The following NLGN1 variants were observed in gnomAD, a reference collection of about 807,000 sequenced individuals.
NLGN1 encodes neuroligin-1.
In NLGN1, 12 loss-of-function variants were observed where a neutral mutation model predicts 65.5. The ratio of observed to expected loss-of-function variants is 0.18; its 90% CI spans 0.12 to 0.30. The LOEUF is 0.30. Among genes scored for constraint, NLGN1 ranks in the 10% least tolerant of loss-of-function variants. The probability of loss-of-function intolerance (pLI) is 1.00; values close to 1 mark genes in which losing one functional copy is unlikely to be tolerated. For missense variants in NLGN1, 750 were observed against 1,007.1 expected, an observed-to-expected ratio of 0.74 and a Z score of 3.46; for synonymous variants, 350 against 359.5, an observed-to-expected ratio of 0.97 and a Z score of 0.30.
intron 2 of NLGN1, among the ~76,000 whole-genome samples, chr3:173,444,736 A>C (rs553910707): frequency 1.4e-4 from 21 of 152,118 alleles, no homozygotes; most frequent in African/African-American, 3.1e-4. Flanking sequence ...ATCTATCTAT[A>C]TATACACATA....
intron 2 of NLGN1, among the ~76,000 whole-genome samples, chr3:173,574,010 C>G (rs1267205437): frequency 6.9e-6 from 1 of 145,930 alleles, no homozygotes; most frequent in Admixed American, 7.0e-5. Flanking sequence ...TTGCAGTGAG[C>G]CGAGATGGCA....
At chr3:173,636,038 C>T (rs1756530769) in intron 3 of NLGN1, among the ~76,000 whole-genome samples, 1 of 152,064 alleles carries the variant, frequency 6.6e-6, no homozygotes, top group Admixed American at 6.6e-5. Context: ...TTATTTCCTG[C>T]TTTGAAATTA....
At chr3:173,508,570 G>A (rs1019099116) in intron 2 of NLGN1, among the ~76,000 whole-genome samples, 1 of 152,124 alleles carries the variant, frequency 6.6e-6, no homozygotes, top group Non-Finnish European at 1.5e-5. Flanking sequence ...AGAGGTACGT[G>A]ACTCTTCCCG....
chr3:173,929,814 T>C (rs35108067), intron 4 of NLGN1, among the ~76,000 whole-genome samples: 53,581 of 151,768 alleles, frequency 0.35, 10,390 homozygotes, highest in African/African-American at 0.51. Flanking sequence ...AAATGATTCT[T>C]CTGCCTCAGC....
At chr3:173,448,234 C>T (rs549363627) in intron 2 of NLGN1, among the ~76,000 whole-genome samples, 50 of 152,164 alleles carry the variant, frequency 3.3e-4, no homozygotes, top group African/African-American at 1.1e-3. Context: ...GAGATACCTC[C>T]CATCAATACC....
At chr3:173,502,820 T>A (rs1478399944) in intron 2 of NLGN1, among the ~76,000 whole-genome samples, 2 of 152,044 alleles carry the variant, frequency 1.3e-5, no homozygotes, top group Non-Finnish European at 2.9e-5. Context: ...ACAAAGGGAT[T>A]TGATGTTAAA....
chr3:174,259,506 AT>A (rs1232951859), intron 4 of NLGN1, among the ~76,000 whole-genome samples: 1 of 152,102 alleles, frequency 6.6e-6, no homozygotes, highest in East Asian at 1.9e-4. Context: ...ATTAAAAAAA[AT>A]CTATTCTAAA....
chr3:173,619,465 C>T (rs1753649820), intron 3 of NLGN1, among the ~76,000 whole-genome samples: 1 of 152,084 alleles, frequency 6.6e-6, no homozygotes, highest in South Asian at 2.1e-4. Context: ...TGGTACTTGT[C>T]ATAGGGGACA....
At chr3:173,574,606 A>G (rs888708857) in intron 2 of NLGN1, among the ~76,000 whole-genome samples, 3 of 152,162 alleles carry the variant, frequency 2.0e-5, no homozygotes, top group African/African-American at 4.8e-5. Context: ...CCTATTTCCC[A>G]TGAAACTAAC....
chr3:174,011,716 C>A (rs1393677687), intron 4 of NLGN1, among the ~76,000 whole-genome samples: 1 of 152,038 alleles, frequency 6.6e-6, no homozygotes, highest in Admixed American at 6.6e-5. Context: ...GAGATACTAC[C>A]ACCTACCTTC....
intron 2 of NLGN1, among the ~76,000 whole-genome samples, chr3:173,553,149 G>C (rs1044958308): frequency 6.6e-6 from 1 of 152,080 alleles, no homozygotes; most frequent in Admixed American, 6.6e-5. Context: ...TGGAGGATTC[G>C]CCTTGAAAAT....
intron 3 of NLGN1, among the ~76,000 whole-genome samples, chr3:173,759,875 TC>T (rs1269426950): frequency 1.3e-5 from 2 of 151,988 alleles, no homozygotes; most frequent in Non-Finnish European, 2.9e-5. Context: ...TCCCAAATTG[TC>T]CTCTAAGGGC....
chr3:174,241,620 T>C (rs1256643672), intron 4 of NLGN1, among the ~76,000 whole-genome samples: 2 of 151,682 alleles, frequency 1.3e-5, no homozygotes, highest in Non-Finnish European at 2.9e-5. Context: ...AGTAAATTGA[T>C]AAATCCCTAC....
At chr3:173,865,284 A>G (rs909044351) in intron 4 of NLGN1, among the ~76,000 whole-genome samples, 6 of 152,008 alleles carry the variant, frequency 3.9e-5, no homozygotes, top group Non-Finnish European at 8.8e-5. Context: ...TCAACCCTTT[A>G]ATCTCCTAAG....
chr3:173,397,828 G>A (rs1316219809), upstream of NLGN1: 1 of 152,208 alleles, frequency 6.6e-6, no homozygotes, highest in Non-Finnish European at 1.5e-5. Context: ...CTGGCGTGGG[G>A]AGACACGGCA....
intron 4 of NLGN1, among the ~76,000 whole-genome samples, chr3:174,164,702 T>C (rs185502792): frequency 6.6e-6 from 1 of 152,250 alleles, no homozygotes; most frequent in East Asian, 1.9e-4. Flanking sequence ...TTCTCTATTC[T>C]GTTCCATTGG....
chr3:174,061,073 G>A (rs909082357), intron 4 of NLGN1, among the ~76,000 whole-genome samples: 1 of 152,008 alleles, frequency 6.6e-6, no homozygotes, highest in African/African-American at 2.4e-5. Flanking sequence ...TATCTATTCT[G>A]GTGGTGTTTG....
At chr3:173,801,761 A>G (rs191261912) in intron 3 of NLGN1, among the ~76,000 whole-genome samples, 377 of 152,250 alleles carry the variant, frequency 2.5e-3, no homozygotes, top group Middle Eastern at 0.017. Flanking sequence ...AATATTTGAA[A>G]CAAATCATTA....
intron 1 of NLGN1, among the ~76,000 whole-genome samples, chr3:173,398,887 A>G (rs1560197877): frequency 6.6e-6 from 1 of 152,154 alleles, no homozygotes; most frequent in Non-Finnish European, 1.5e-5. Flanking sequence ...TGCATTTCTC[A>G]CCATTAATTG....
Sources: gnomAD v4.1 joint callset for allele counts (sites outside exome capture counted in the v4.1 genomes callset) on GRCh38, gnomAD v4.1.1 for gene constraint, MANE v1.5 for transcripts, NCBI Gene and HGNC (gene_info 2026-07-23, HGNC 2026-07-21) for gene names.